SEL1L2: variants seen among roughly 807,000 people sequenced by gnomAD.
SEL1L2 encodes protein sel-1 homolog 2.
SEL1L2 carries 89 observed loss-of-function variants against 98.8 expected under a neutral mutation model. The observed-to-expected ratio is 0.90, with a 90% CI of 0.76 to 1.07. SEL1L2 has a LOEUF of 1.07. SEL1L2 is among the 50% of genes least tolerant of loss of function. The pLI, the probability that SEL1L2 is intolerant of heterozygous loss-of-function variation, is 0.00. For synonymous variants in SEL1L2, 262 were observed against 278.5 expected (o/e 0.94, Z 0.59); for missense variants, 788 against 812.0 (o/e 0.97, Z 0.36).
Position 13,885,228 on chromosome 20 carries a change from A to T in SEL1L2, c.957+119T>A. 3 of 715,598 alleles carry T rather than the reference A, an allele frequency of 4.2e-6. No individual in the cohort carries two copies. In the South Asian group the frequency reaches 4.9e-5, roughly 12 times the overall value. The allele number at this position is 715,598 out of a possible 1,614,324, so 44.3% of individuals were successfully genotyped here. A position where few individuals can be genotyped will look rare whatever the true frequency, so the allele number is the denominator to read the frequency against. On this transcript the variant is annotated intron_variant, in intron 10 of 19. Coordinates refer to ENST00000284951, the MANE Select transcript of SEL1L2 (RefSeq NM_025229.2). Reference sequence around the variant, plus strand: ...GGGAAGCATAGCTGACCAAGGAAGCATCAGTGGGCTTTCTGAGCAACTCTT... The same window carrying T: ...GGGAAGCATAGCTGACCAAGGAAGCTTCAGTGGGCTTTCTGAGCAACTCTT...
chr20:13,917,033 T>C (rs2048434659), intron 4 of SEL1L2, among the ~76,000 whole-genome samples: 1 of 152,064 alleles, frequency 6.6e-6, no homozygotes, highest in South Asian at 2.1e-4. Flanking sequence ...CTTCTCAGAG[T>C]GATTTTGTCC....
At chr20:13,943,888 C>T (rs1016381209) in intron 2 of SEL1L2, among the ~76,000 whole-genome samples, 2 of 151,978 alleles carry the variant, frequency 1.3e-5, no homozygotes, top group South Asian at 2.1e-4. Context: ...CTGATTGGTC[C>T]GTGGGTGGGC....
intron 1 of SEL1L2, among the ~76,000 whole-genome samples, chr20:13,989,623 G>A (rs2052440303): frequency 6.6e-6 from 1 of 152,120 alleles, no homozygotes; most frequent in Non-Finnish European, 1.5e-5. Flanking sequence ...CTATCAGGTT[G>A]ATAAAGTTTC....
rs1273853168 is a variant in SEL1L2 at position 13,849,543 on chromosome 20, A to T, written c.2009T>A (p.Phe670Tyr). The T allele has an allele frequency of 1.2e-6, 2 of 1,614,018 alleles. No homozygotes were observed. Among genetic ancestry groups the T allele is most frequent in the African/African-American group, 2.7e-5 (2 of 74,928 alleles). ...DNTIGPHWDL[F>Y]VIGLIVPGLI... The stretch of plus-strand genomic sequence containing the variant: ...CCCAGGAACAATGAGGCCAATCACA[A>T]ATAAGTCCCAGTGTGGTCCAATGGT... The change falls in exon 20 of 20, where the codon TTT becomes TAT. Residue 670 changes from phenylalanine (F) to tyrosine (Y), a missense_variant. Coordinates refer to ENST00000284951, the MANE Select transcript of SEL1L2 (RefSeq NM_025229.2).
chr20:13,985,244 T>C (rs1023377579), intron 1 of SEL1L2, among the ~76,000 whole-genome samples: 11 of 152,172 alleles, frequency 7.2e-5, no homozygotes, highest in Non-Finnish European at 1.2e-4. Flanking sequence ...TCATAGCCTG[T>C]CATACAAAGT....
chr20:13,850,263 G>A lies in SEL1L2; in HGVS notation c.1875C>T (p.Ala625=), dbSNP rs552223044. ...TGACGGCAAAGAGCACAGGTATGTG[G>A]GCATCTGGACTCGTTTGAGCAGCCA... ...YDMAAQTSPD[A]HIPVLFAVMK... Residue 625 remains alanine, a synonymous_variant, in exon 19 of 20, where the codon GCC becomes GCT. Transcript: ENST00000284951. The A allele has an allele frequency of 5.8e-5, 93 of 1,614,052 alleles. No individual in the cohort carries two copies. The South Asian group carries it at 9.8e-4, about 17-fold the overall frequency.
chr20:13,974,167 T>C (rs1214286709), intron 1 of SEL1L2, among the ~76,000 whole-genome samples: 1 of 152,190 alleles, frequency 6.6e-6, no homozygotes, highest in Non-Finnish European at 1.5e-5. Context: ...GGGGCCAGGA[T>C]GGGGCAAGTC....
intron 18 of SEL1L2, among the ~76,000 whole-genome samples, chr20:13,853,144 T>C (rs1423258414): frequency 1.6e-4 from 24 of 152,194 alleles, no homozygotes; most frequent in Admixed American, 1.5e-3. Context: ...TCTGTTTTCT[T>C]AACCTAACAA....
At chr20:13,850,131 C>T (rs1244915955) in intron 19 of SEL1L2, 60 bp downstream of exon 19, 5 of 1,600,492 alleles carry the variant, frequency 3.1e-6, no homozygotes, top group African/African-American at 2.7e-5. Context: ...GTCACTTTGT[C>T]CCTAAGAGTT....
At chr20:13,929,886 C>T (rs567510762) in intron 3 of SEL1L2, among the ~76,000 whole-genome samples, 3 of 152,150 alleles carry the variant, frequency 2.0e-5, no homozygotes, top group South Asian at 2.1e-4. Flanking sequence ...CGCCTCCTGG[C>T]CTTAAGTGAA....
At chr20:13,899,888 A>C (rs1356984374) in intron 5 of SEL1L2, among the ~76,000 whole-genome samples, 1 of 152,164 alleles carries the variant, frequency 6.6e-6, no homozygotes, top group Non-Finnish European at 1.5e-5. Flanking sequence ...ACTTGATTAA[A>C]TTTCATGCTT....
At chr20:13,920,785 C>T (rs934646344) in intron 3 of SEL1L2, among the ~76,000 whole-genome samples, 2 of 152,004 alleles carry the variant, frequency 1.3e-5, no homozygotes, top group Non-Finnish European at 2.9e-5. Flanking sequence ...GACAAGCAAT[C>T]AGAGTTGCTC....
chr20:13,932,352 A>C (rs974741535), intron 2 of SEL1L2, among the ~76,000 whole-genome samples: 30 of 151,836 alleles, frequency 2.0e-4, no homozygotes, highest in African/African-American at 7.2e-4. Flanking sequence ...TTCATGATTT[A>C]CCTACATAAT....
At chr20:13,934,292 C>T (rs575244318) in intron 2 of SEL1L2, among the ~76,000 whole-genome samples, 1 of 121,742 alleles carries the variant, frequency 8.2e-6, no homozygotes, top group Admixed American at 1.0e-4. Context: ...CTTTGAATGC[C>T]ATTAACTCAT....
At chr20:13,852,883 G>C (rs1457833550) in intron 18 of SEL1L2, among the ~76,000 whole-genome samples, 1 of 152,136 alleles carries the variant, frequency 6.6e-6, no homozygotes, top group Admixed American at 6.6e-5. Flanking sequence ...TACTGGGACA[G>C]AGCATGTGAA....
At chr20:13,921,502 T>C (rs952660260) in intron 3 of SEL1L2, among the ~76,000 whole-genome samples, 5 of 152,086 alleles carry the variant, frequency 3.3e-5, no homozygotes, top group Non-Finnish European at 7.3e-5. Context: ...AATACTATGA[T>C]ATTGATTGAT....
chr20:13,912,292 A>ATTTTTTTTT (rs11478603), intron 5 of SEL1L2, among the ~76,000 whole-genome samples: 1 of 111,344 alleles, frequency 9.0e-6, no homozygotes, highest in Non-Finnish European at 1.8e-5. Context: ...TTTCTGTGGG[A>ATTTTTTTTT]TTTTTTTTTT....
At chr20:13,944,553 G>A (rs1156584905) in intron 2 of SEL1L2, among the ~76,000 whole-genome samples, 1 of 152,206 alleles carries the variant, frequency 6.6e-6, no homozygotes, top group East Asian at 1.9e-4. Context: ...GTCAGGAAAG[G>A]AACAGGTTTG....
In SEL1L2 at chr20:13,931,846, A is replaced by G. The variant is rs1033966868; in HGVS notation, c.115-75T>C. On this transcript the variant is annotated intron_variant, in intron 2 of 19. Transcript: ENST00000284951. Reference sequence around the variant, plus strand: ...CAAATGAAACAACAGGAAAGTGAAAATTCATATATTCATGGCAAAAATACA... The same window carrying G: ...CAAATGAAACAACAGGAAAGTGAAAGTTCATATATTCATGGCAAAAATACA... 77 of 1,235,338 alleles carry G rather than the reference A, an allele frequency of 6.2e-5. No homozygotes were observed. In the East Asian group the frequency reaches 2.1e-3, roughly 34 times the overall value. The allele number at this position is 1,235,338 out of a possible 1,614,324, so 76.5% of individuals were successfully genotyped here.
Sources: allele counts gnomAD v4.1 joint callset (sites outside exome capture counted in the v4.1 genomes callset), GRCh38; gene constraint gnomAD v4.1.1; transcripts MANE v1.5; gene names NCBI Gene and HGNC (gene_info 2026-07-23, HGNC 2026-07-21).